Variants in C1orf115 observed in about 807,000 individuals in gnomAD.
C1orf115 encodes the protein chromosome 1 open reading frame 115.
Under a neutral mutation model 12.5 loss-of-function variants are expected in C1orf115, and 14 were observed. That is an observed-to-expected ratio of 1.12 (90% confidence interval 0.74 to 1.75). The LOEUF is 1.75. Among genes scored for constraint, C1orf115 ranks in the 40% most tolerant of loss-of-function variants. C1orf115 has a pLI of 0.00. For missense variants in C1orf115, 237 were observed against 220.8 expected (o/e 1.07, Z -0.46); for synonymous variants, 109 against 104.6 (o/e 1.04, Z -0.26).
chr1:220,691,592 CT>C (rs1448023191), intron 1 of C1orf115, among the ~76,000 whole-genome samples: 3 of 152,186 alleles, frequency 2.0e-5, no homozygotes, highest in South Asian at 2.1e-4. Flanking sequence ...GTTTATCATC[CT>C]CTTTAAAGGT....
At position 220,690,366 on chromosome 1, in the gene C1orf115, T is replaced by C; in HGVS notation, c.-37T>C. ...CGGGCGGGGACCAAAGGTTGGTGTC[T>C]TTGCGCTCGGACCTTCGCCAGAGGG... is the stretch of plus-strand genomic sequence containing the variant. On this transcript the variant is annotated 5_prime_UTR_variant, in exon 1 of 2. Coordinates refer to ENST00000294889, the MANE Select transcript of C1orf115 (RefSeq NM_024709.5). The C allele has an allele frequency of 7.3e-7, 1 of 1,370,032 alleles. No individual in the cohort carries two copies. Among genetic ancestry groups the C allele is most frequent in the Non-Finnish European group, 9.4e-7 (1 of 1,068,448 alleles). 84.9% of individuals were successfully genotyped at this position (1,370,032 alleles called of 1,614,324 possible). A position where few individuals can be genotyped will look rare whatever the true frequency, so the allele number is the denominator to read the frequency against.
Position 220,696,713 on chromosome 1 carries a change from G to A in C1orf115, c.411G>A (p.Val137=). The A allele has an allele frequency of 1.9e-6, 3 of 1,594,738 alleles. No individual in the cohort carries two copies. Among genetic ancestry groups the A allele is most frequent in the Non-Finnish European group, 2.6e-6 (3 of 1,163,986 alleles). ...YSAPFAVATS[V]VSFVR ...CCCCGTTTGCGGTAGCCACCAGCGT[G>A]GTATCCTTCGTGCGCTAATGGGAGC... The change falls in exon 2 of 2, where the codon GTG becomes GTA. Residue 137 remains valine (V), a synonymous_variant. Coordinates refer to ENST00000294889, the MANE Select transcript of C1orf115 (RefSeq NM_024709.5).
chr1:220,691,475 T>C (rs1214564957), intron 1 of C1orf115, among the ~76,000 whole-genome samples: 3 of 152,218 alleles, frequency 2.0e-5, no homozygotes, highest in Non-Finnish European at 4.4e-5. Context: ...AGTTACTGTG[T>C]CCTGGCCAAA....
intron 1 of C1orf115, among the ~76,000 whole-genome samples, chr1:220,693,209 T>C (rs1670139643): frequency 6.6e-6 from 1 of 152,282 alleles, no homozygotes; most frequent in Non-Finnish European, 1.5e-5. Context: ...GGTTGAGAGA[T>C]ATTTTATGTT....
chr1:220,696,780 G>A lies in C1orf115; in HGVS notation c.*49G>A, dbSNP rs972892555. 1 of 1,537,560 alleles carries A rather than the reference G, an allele frequency of 6.5e-7. No homozygotes were observed. On this transcript the variant is annotated 3_prime_UTR_variant, in exon 2 of 2. Transcript: ENST00000294889. Reference sequence around the variant, plus strand: ...CCCAGAGTGAACGGGAGCCCCTGCTGTGGGAACTTTGTGAATCCTGGAGCA... The same window carrying A: ...CCCAGAGTGAACGGGAGCCCCTGCTATGGGAACTTTGTGAATCCTGGAGCA...
chr1:220,691,160 G>A (rs1178330732), intron 1 of C1orf115, among the ~76,000 whole-genome samples: 2 of 152,114 alleles, frequency 1.3e-5, no homozygotes, highest in African/African-American at 2.4e-5. Context: ...AAATGTTTGG[G>A]TTACTCTCCC....
chr1:220,690,822 C>T (rs921293693), intron 1 of C1orf115, 111 bp downstream of exon 1: 12 of 1,254,494 alleles, frequency 9.6e-6, no homozygotes, highest in African/African-American at 1.6e-5. Flanking sequence ...GCTGCACCTG[C>T]GACCCCTCCG....
chr1:220,695,910 T>C (rs944301290), intron 1 of C1orf115, among the ~76,000 whole-genome samples: 6 of 152,096 alleles, frequency 3.9e-5, no homozygotes, highest in Non-Finnish European at 8.8e-5. Context: ...GTGGTGGTAA[T>C]TTTTCTGTTG....
rs1670206204 is a variant in C1orf115 at position 220,697,075 on chromosome 1, T to C, written c.*344T>C. 1 of 183,270 alleles carries C rather than the reference T, an allele frequency of 5.5e-6. No homozygotes were observed. Among genetic ancestry groups the C allele is most frequent in the African/African-American group, 2.3e-5 (1 of 42,914 alleles). The allele number at this position is 183,270 out of a possible 1,614,324, so 11.4% of individuals were successfully genotyped here. On this transcript the variant is annotated 3_prime_UTR_variant, in exon 2 of 2. Coordinates refer to ENST00000294889, the MANE Select transcript of C1orf115 (RefSeq NM_024709.5). This position sits in a 1 kb window ranked among gnomAD's most constrained non-coding sequence, Gnocchi z 4.5. Reference sequence around the variant, plus strand: ...TCAACAGATGCAAGCAGTGTGGGTGTGCAGCAGAACAGTGATCTTGGGGGA... The same window carrying C: ...TCAACAGATGCAAGCAGTGTGGGTGCGCAGCAGAACAGTGATCTTGGGGGA...
At chr1:220,695,632 G>A (rs1670182329) in intron 1 of C1orf115, among the ~76,000 whole-genome samples, 2 of 151,782 alleles carry the variant, frequency 1.3e-5, no homozygotes, top group Non-Finnish European at 2.9e-5. Context: ...ACCCGGGGGA[G>A]AGAGAAATTC....
intron 1 of C1orf115, among the ~76,000 whole-genome samples, chr1:220,694,634 G>A (rs1202473749): frequency 6.6e-6 from 1 of 152,164 alleles, no homozygotes; most frequent in Admixed American, 6.5e-5. Context: ...ATAGACAAAG[G>A]CCACCAGGGA....
chr1:220,693,102 C>T (rs1260300604), intron 1 of C1orf115, among the ~76,000 whole-genome samples: 1 of 152,160 alleles, frequency 6.6e-6, no homozygotes, highest in African/African-American at 2.4e-5. Context: ...CTTTGTTCCC[C>T]GAGACCCCAG....
intron 1 of C1orf115, among the ~76,000 whole-genome samples, chr1:220,695,192 T>G (rs1313902102): frequency 2.0e-5 from 3 of 152,068 alleles, no homozygotes; most frequent in African/African-American, 7.2e-5. Context: ...TGGTTGGCTC[T>G]TTTGGCTGGC....
intron 1 of C1orf115, among the ~76,000 whole-genome samples, chr1:220,696,155 T>C (rs1670191210): frequency 6.6e-6 from 1 of 152,082 alleles, no homozygotes. Context: ...GACAGAAATA[T>C]GCCATTGAGG....
intron 1 of C1orf115, 103 bp from the exon 2 acceptor site, chr1:220,696,509 C>A: frequency 7.7e-7 from 1 of 1,306,650 alleles, no homozygotes; most frequent in Non-Finnish European, 1.0e-6. Context: ...GAAAAATGAT[C>A]TTTATATATG....
chr1:220,694,073 G>A lies in C1orf115; in HGVS notation c.310-2539G>A, dbSNP rs368312429. Among the ~76,000 whole-genome samples, 548 of 111,164 alleles carry A rather than the reference G, an allele frequency of 4.9e-3. 5 individuals are homozygous for A. Among genetic ancestry groups the A allele is most frequent in the African/African-American group, 0.019 (519 of 27,996 alleles). 72.9% of individuals were successfully genotyped at this position (111,164 alleles called of 152,430 possible). On this transcript the variant is annotated intron_variant, in intron 1 of 1. Coordinates refer to ENST00000294889, the MANE Select transcript of C1orf115 (RefSeq NM_024709.5). ...CCAGACTGGGCAACAAGAGCAAAACGCGGTCTCAAAAAAAAAAAAAAAAAA... is the reference window on the plus strand; with the variant it reads ...CCAGACTGGGCAACAAGAGCAAAACACGGTCTCAAAAAAAAAAAAAAAAAA...
At chr1:220,695,672 A>C (rs1469020457) in intron 1 of C1orf115, among the ~76,000 whole-genome samples, 1 of 151,946 alleles carries the variant, frequency 6.6e-6, no homozygotes. Flanking sequence ...GAGGTTTGTC[A>C]GGTGGTGTTG....
chr1:220,697,037 C>G lies in C1orf115; in HGVS notation c.*306C>G, dbSNP rs1409190124. ...CACGTGAAGGTGGCAGGCACTGGGGCGGAAGCCAACACTCAACAGATGCAA... is the reference window on the plus strand; with the variant it reads ...CACGTGAAGGTGGCAGGCACTGGGGGGGAAGCCAACACTCAACAGATGCAA... On this transcript the variant is annotated 3_prime_UTR_variant, in exon 2 of 2. Transcript: ENST00000294889. This position sits in a 1 kb window ranked among gnomAD's most constrained non-coding sequence, Gnocchi z 4.5. The G allele has an allele frequency of 4.5e-6, 1 of 223,920 alleles. No homozygotes were observed. Among genetic ancestry groups the G allele is most frequent in the African/African-American group, 2.2e-5 (1 of 44,466 alleles). 13.9% of individuals were successfully genotyped at this position (223,920 alleles called of 1,614,324 possible).
At chr1:220,694,356 G>T (rs1288445033) in intron 1 of C1orf115, among the ~76,000 whole-genome samples, 1 of 152,148 alleles carries the variant, frequency 6.6e-6, no homozygotes, top group African/African-American at 2.4e-5. Flanking sequence ...CAATGAGGTG[G>T]TTACTAAATA....
Sources: gnomAD v4.1 joint callset for allele counts (sites outside exome capture counted in the v4.1 genomes callset) on GRCh38, gnomAD v4.1.1 for gene constraint, Gnocchi (gnomAD v3.1) non-coding constraint, MANE v1.5 for transcripts, NCBI Gene and HGNC (gene_info 2026-07-23, HGNC 2026-07-21) for gene names.